TGFA: variants seen among roughly 807,000 people sequenced by gnomAD.
TGFA encodes protransforming growth factor alpha.
A neutral mutation model predicts 21.7 loss-of-function variants in TGFA; 12 were observed. The ratio of observed to expected loss-of-function variants is 0.55; its 90% CI spans 0.35 to 0.90. The LOEUF (loss-of-function observed/expected upper bound fraction) is 0.90. TGFA is among the 40% of genes least tolerant of loss of function. The probability of loss-of-function intolerance (pLI) is 0.01; values close to 1 mark genes in which losing one functional copy is unlikely to be tolerated. For synonymous variants in TGFA, 79 were observed against 88.1 expected, an observed-to-expected ratio of 0.90 and a Z score of 0.58; for missense variants, 178 against 210.8, an observed-to-expected ratio of 0.84 and a Z score of 0.96.
At chr2:70,552,854 A>G (rs574824929) in intron 1 of TGFA, among the ~76,000 whole-genome samples, 1 of 152,362 alleles carries the variant, frequency 6.6e-6, no homozygotes, top group Non-Finnish European at 1.5e-5. Context: ...CACCTGCGCT[A>G]TTGATCAGCT....
At chr2:70,496,133 TG>T (rs1195276346) in intron 2 of TGFA, among the ~76,000 whole-genome samples, 2 of 152,054 alleles carry the variant, frequency 1.3e-5, no homozygotes, top group African/African-American at 4.8e-5. Context: ...GCCCCGAGAC[TG>T]GGGGAAGGAG....
rs112107973 is a variant in TGFA, at chr2:70,547,545, G to GA, written c.40+6182dup. On this transcript the variant is annotated intron_variant, in intron 1 of 5. Transcript: ENST00000295400. ...GCAACAGAGCGAGCCTCCATCTCAAGAAAAAAAAAAAAAAACATGAAAAAC... is the reference window on the plus strand; with the variant it reads ...GCAACAGAGCGAGCCTCCATCTCAAGAAAAAAAAAAAAAAAACATGAAAAAC... Among the ~76,000 whole-genome samples, 128 of 135,946 alleles carry GA rather than the reference G, an allele frequency of 9.4e-4. 1 individual carries two copies. The highest frequency in any genetic ancestry group is 3.7e-3 in the Middle Eastern group (1 of 272). 89.2% of individuals were successfully genotyped at this position (135,946 alleles called of 152,430 possible).
chr2:70,499,989 A>T (rs1304739732), intron 2 of TGFA, among the ~76,000 whole-genome samples: 1 of 152,248 alleles, frequency 6.6e-6, no homozygotes, highest in East Asian at 1.9e-4. Flanking sequence ...AATGTATTTA[A>T]TTTAACCAAA....
intron 4 of TGFA, among the ~76,000 whole-genome samples, chr2:70,455,113 C>T (rs1168629060): frequency 6.6e-6 from 1 of 152,214 alleles, no homozygotes; most frequent in African/African-American, 2.4e-5. Flanking sequence ...TCCCAGCAAA[C>T]ATGTTTTTCC....
chr2:70,509,861 C>T (rs1672040155), intron 2 of TGFA, among the ~76,000 whole-genome samples: 1 of 152,180 alleles, frequency 6.6e-6, no homozygotes. Context: ...CCAACAACTT[C>T]TTAACCAGGG....
intron 2 of TGFA, among the ~76,000 whole-genome samples, chr2:70,514,533 C>T (rs1003117322): frequency 3.1e-5 from 4 of 129,932 alleles, no homozygotes; most frequent in Admixed American, 7.2e-5. Context: ...TGGACTATTA[C>T]GAGAGTGGGG....
rs1297709503 is a variant in TGFA, at chr2:70,517,520, T to C, written c.41-2608A>G. On this transcript the variant is annotated intron_variant, in intron 1 of 5. Coordinates refer to ENST00000295400, the MANE Select transcript of TGFA (RefSeq NM_003236.4). ...GTTCTGCATGTGTTCTCTTACTTAG[T>C]CCTTATAACAACTCATGACATAGGT... is the stretch of plus-strand genomic sequence containing the variant. Among the ~76,000 whole-genome samples the C allele has an allele frequency of 2.6e-5, 4 of 152,300 alleles. No individual in the cohort carries two copies. The East Asian group carries it at 7.7e-4, about 29-fold the overall frequency.
At position 70,448,760 on chromosome 2, in the gene TGFA, C is replaced by G. The variant is rs1553489082; in HGVS notation, c.*2099G>C. ...AGGGAGGCGTATATGTGAGGCCTCT[C>G]ACTGCATGTGTGTTACAGGCATAAG... On this transcript the variant is annotated 3_prime_UTR_variant, in exon 6 of 6. Transcript: ENST00000295400. The G allele has an allele frequency of 6.6e-6, 1 of 152,190 alleles. No individual in the cohort carries two copies. Among genetic ancestry groups the G allele is most frequent in the Non-Finnish European group, 1.5e-5 (1 of 68,040 alleles). 9.4% of individuals were successfully genotyped at this position (152,190 alleles called of 1,614,324 possible). A position where few individuals can be genotyped will look rare whatever the true frequency, so the allele number is the denominator to read the frequency against.
chr2:70,465,751 G>A lies in TGFA; in HGVS notation c.95-15C>T. The A allele has an allele frequency of 6.2e-7, 1 of 1,613,448 alleles. No individual in the cohort carries two copies. Among genetic ancestry groups the A allele is most frequent in the African/African-American group, 1.3e-5 (1 of 75,038 alleles). ...GGGCGGGTCTGCTGGGGAGAGGAAA[G>A]ATGCAGGGCTCAGATCCAGGAACAG... On this transcript the variant is annotated splice_polypyrimidine_tract_variant and intron_variant, in intron 2 of 5. Coordinates refer to ENST00000295400, the MANE Select transcript of TGFA (RefSeq NM_003236.4).
At chr2:70,476,092 A>AAAT (rs1559109161) in intron 2 of TGFA, among the ~76,000 whole-genome samples, 2 of 149,792 alleles carry the variant, frequency 1.3e-5, no homozygotes, top group African/African-American at 5.0e-5. Flanking sequence ...AAAAAAAAAA[A>AAAT]AAAAAAAAAA....
At chr2:70,497,862 T>C (rs144499028) in intron 2 of TGFA, among the ~76,000 whole-genome samples, 76 of 152,336 alleles carry the variant, frequency 5.0e-4, no homozygotes, top group African/African-American at 1.7e-3. Flanking sequence ...CGCAAATCTG[T>C]ATTTTCACAA....
At chr2:70,525,292 A>T (rs782114558) in intron 1 of TGFA, among the ~76,000 whole-genome samples, 1 of 152,154 alleles carries the variant, frequency 6.6e-6, no homozygotes, top group Non-Finnish European at 1.5e-5. Flanking sequence ...TACCAGTGTG[A>T]CTTGGCAGAA....
intron 2 of TGFA, among the ~76,000 whole-genome samples, chr2:70,514,079 A>G (rs1446755981): frequency 6.6e-6 from 1 of 152,240 alleles, no homozygotes; most frequent in Non-Finnish European, 1.5e-5. Context: ...AACTAGAGCC[A>G]CCGTAAATAT....
intron 2 of TGFA, among the ~76,000 whole-genome samples, chr2:70,512,831 A>G (rs1334174084): frequency 6.6e-6 from 1 of 152,174 alleles, no homozygotes; most frequent in Non-Finnish European, 1.5e-5. Context: ...CCCCTTCTCT[A>G]TGCATGGCAG....
rs535226900 is a variant in TGFA at position 70,525,005 on chromosome 2, A to G, written c.41-10093T>C. On this transcript the variant is annotated intron_variant, in intron 1 of 5. Transcript: ENST00000295400. ...GTTCTGCTGGTGTGCACCTCGGGCC[A>G]GCAAAGTTAGACTCTTGGTGGCTGA... Among the ~76,000 whole-genome samples the G allele has an allele frequency of 1.8e-4, 28 of 152,292 alleles. 1 individual carries two copies. In the South Asian group the frequency reaches 5.0e-3, roughly 27 times the overall value.
chr2:70,454,676 C>T (rs947968140), intron 4 of TGFA, among the ~76,000 whole-genome samples: 4 of 152,230 alleles, frequency 2.6e-5, no homozygotes, highest in Non-Finnish European at 5.9e-5. Context: ...CAGGAGGGCC[C>T]TAAGCCCAGG....
chr2:70,507,040 A>G (rs113691074), intron 2 of TGFA, among the ~76,000 whole-genome samples: 11 of 152,386 alleles, frequency 7.2e-5, no homozygotes, highest in African/African-American at 2.6e-4. Context: ...ACTCATCCAG[A>G]CAGCAAAGGT....
chr2:70,463,960 G>T (rs1670476742), intron 3 of TGFA, among the ~76,000 whole-genome samples: 1 of 152,188 alleles, frequency 6.6e-6, no homozygotes, highest in African/African-American at 2.4e-5. Flanking sequence ...GGGTGTGGAG[G>T]CCTGTCATCT....
At chr2:70,527,971 G>A (rs1424292792) in intron 1 of TGFA, among the ~76,000 whole-genome samples, 9 of 152,306 alleles carry the variant, frequency 5.9e-5, no homozygotes, top group Admixed American at 1.3e-4. Context: ...CTGCTTAGTC[G>A]TGGATGAGCA....
Sources: allele counts gnomAD v4.1 joint callset (sites outside exome capture counted in the v4.1 genomes callset), GRCh38; gene constraint gnomAD v4.1.1; transcripts MANE v1.5; gene names NCBI Gene and HGNC (gene_info 2026-07-23, HGNC 2026-07-21).